Variants in PCDHA8 observed in about 807,000 individuals in gnomAD.
PCDHA8 encodes protocadherin alpha 8.
In PCDHA8, 53 loss-of-function variants were observed where a neutral mutation model predicts 61.8. The observed-to-expected ratio is 0.86, with a 90% confidence interval of 0.69 to 1.08. The LOEUF is 1.08. Ranked by LOEUF, PCDHA8 falls within the 50% of genes least tolerant of loss-of-function variation. The pLI, the probability that PCDHA8 is intolerant of heterozygous loss-of-function variation, is 0.00. For synonymous variants in PCDHA8, 618 were observed against 556.6 expected (o/e 1.11, Z -1.55); for missense variants, 1,293 against 1,245.0 (o/e 1.04, Z -0.58).
At chr5:141,006,423 C>T (rs1554260738) in intron 3 of PCDHA8, among the ~76,000 whole-genome samples, 1 of 152,060 alleles carries the variant, frequency 6.6e-6, no homozygotes, top group African/African-American at 2.4e-5. Context: ...CTGTGTTAGC[C>T]AGGATGGTCT....
chr5:140,872,347 C>T (rs556222685), intron 1 of PCDHA8, among the ~76,000 whole-genome samples: 44 of 152,200 alleles, frequency 2.9e-4, no homozygotes, highest in African/African-American at 1.0e-3. Context: ...CATGTTCTTG[C>T]CAGGCAAAGT....
chr5:140,860,946 C>A (rs1196605227), intron 1 of PCDHA8: 8 of 152,212 alleles, frequency 5.3e-5, no homozygotes, highest in African/African-American at 1.9e-4. Context: ...ACCGTGTTAG[C>A]CAGGATGGTC....
chr5:140,968,203 G>A, intron 1 of PCDHA8: 5 of 1,614,018 alleles, frequency 3.1e-6, no homozygotes, highest in Non-Finnish European at 4.2e-6. Context: ...TCTACATACA[G>A]GAGAACAATT....
At chr5:140,991,535 A>G (rs1323346658) in intron 3 of PCDHA8, among the ~76,000 whole-genome samples, 4 of 152,244 alleles carry the variant, frequency 2.6e-5, no homozygotes, top group South Asian at 4.1e-4. Context: ...TTGCCACTAT[A>G]TAACAAGGAT....
At chr5:140,876,999 G>T (rs368334312) in intron 1 of PCDHA8, 2 of 1,612,546 alleles carry the variant, frequency 1.2e-6, no homozygotes, top group Non-Finnish European at 1.7e-6. Flanking sequence ...GCTACGTGTC[G>T]GTGCACGCGG....
intron 1 of PCDHA8, among the ~76,000 whole-genome samples, chr5:140,978,377 G>GT (rs1554239246): frequency 6.6e-6 from 1 of 152,212 alleles, no homozygotes; most frequent in Non-Finnish European, 1.5e-5. Context: ...GCAATAGTTT[G>GT]TTTTCCTCTC....
chr5:140,953,270 T>A (rs1362290837), intron 1 of PCDHA8, among the ~76,000 whole-genome samples: 6 of 152,152 alleles, frequency 3.9e-5, no homozygotes, highest in Non-Finnish European at 5.9e-5. Flanking sequence ...GCTTTAGCCT[T>A]TGCTCTTTAT....
chr5:140,842,865 G>T lies in PCDHA8; in HGVS notation c.1544G>T (p.Gly515Val), dbSNP rs146195620. ...TACATTTCGGTGCACACGGAGAGCG[G>T]CAAGGTGTACGCGCTGCAGCCGCTG... is the stretch of plus-strand genomic sequence containing the variant. ...SSYISVHTESGKVYALQPLDH... is the reference protein window; with the variant it reads ...SSYISVHTESVKVYALQPLDH... The change falls in exon 1 of 4, where the codon GGC becomes GTC. Residue 515 changes from glycine (G) to valine (V), a missense_variant. Gly to Val is a moderately radical substitution (Grantham distance 109). Transcript: ENST00000531613. 16,276 of 1,593,984 alleles carry T rather than the reference G, an allele frequency of 0.01. 1,624 individuals carry two copies. The highest frequency in any genetic ancestry group is 0.012 in the Non-Finnish European group (14,389 of 1,165,392).
In PCDHA8 at chr5:140,883,707, A is replaced by G. The variant is rs565073045; in HGVS notation, c.2394+39992A>G. 6 of 1,613,636 alleles carry G rather than the reference A, an allele frequency of 3.7e-6. No individual in the cohort carries two copies. Among genetic ancestry groups the G allele is most frequent in the East Asian group, 4.5e-5 (2 of 44,860 alleles). On this transcript the variant is annotated intron_variant, in intron 1 of 3. Transcript: ENST00000531613. ...TGCCACATCTTCACGGTGTCTGCTC[A>G]GGACGCGGACGCACAGGAGAACGCG...
chr5:140,900,380 C>T (rs554914375), intron 1 of PCDHA8, among the ~76,000 whole-genome samples: 2 of 152,208 alleles, frequency 1.3e-5, no homozygotes, highest in Admixed American at 6.5e-5. Flanking sequence ...TGGGTTCAAG[C>T]GATTCTCCTG....
intron 1 of PCDHA8, chr5:140,849,943 ACG>A (rs2041244627): frequency 1.3e-6 from 2 of 1,597,782 alleles, no homozygotes; most frequent in Admixed American, 1.7e-5. Context: ...CGGGACGCTG[ACG>A]CGCAGGAGAA....
At chr5:140,855,877 C>CT in intron 1 of PCDHA8, 1 of 897,114 alleles carries the variant, frequency 1.1e-6, no homozygotes, top group African/African-American at 1.7e-5. Flanking sequence ...CACAAAATAG[C>CT]TTTTTAGAAC....
At chr5:140,895,666 T>A (rs538311323) in intron 1 of PCDHA8, among the ~76,000 whole-genome samples, 24 of 152,288 alleles carry the variant, frequency 1.6e-4, no homozygotes, top group African/African-American at 5.8e-4. Context: ...AGTGAGAACA[T>A]GTAGTATTTG....
chr5:140,871,132 G>A, intron 1 of PCDHA8: 1 of 1,613,372 alleles, frequency 6.2e-7, no homozygotes, highest in South Asian at 1.1e-5. Flanking sequence ...GGCGCCAAAG[G>A]CCTCTTCCCG....
chr5:140,869,757 A>G, intron 1 of PCDHA8: 3 of 1,613,264 alleles, frequency 1.9e-6, no homozygotes, highest in Non-Finnish European at 2.5e-6. Flanking sequence ...CAGACGGGGG[A>G]AAACCAGAGC....
intron 1 of PCDHA8, among the ~76,000 whole-genome samples, chr5:140,881,841 C>T (rs1386401088): frequency 6.6e-6 from 1 of 152,182 alleles, no homozygotes; most frequent in East Asian, 1.9e-4. Context: ...GCATGGAATT[C>T]TTACACATGG....
At chr5:140,966,454 C>T (rs897696652) in intron 1 of PCDHA8, 6 of 426,406 alleles carry the variant, frequency 1.4e-5, no homozygotes, top group Admixed American at 4.4e-5. Flanking sequence ...TCCCCCTCCC[C>T]CTCTGTCTTC....
intron 3 of PCDHA8, among the ~76,000 whole-genome samples, chr5:141,008,228 T>C (rs2098365726): frequency 1.3e-5 from 2 of 152,210 alleles, no homozygotes; most frequent in African/African-American, 4.8e-5. Context: ...GTTAGAAAAT[T>C]ACTGCTCAGG....
chr5:140,856,991 T>A, intron 1 of PCDHA8: 1 of 1,595,770 alleles, frequency 6.3e-7, no homozygotes, highest in Non-Finnish European at 8.6e-7. Flanking sequence ...CAGTAACACT[T>A]ATGAAATTCA....
Sources: gnomAD v4.1 joint callset for allele counts (sites outside exome capture counted in the v4.1 genomes callset) on GRCh38, gnomAD v4.1.1 for gene constraint, MANE v1.5 for transcripts, NCBI Gene and HGNC (gene_info 2026-07-23, HGNC 2026-07-21) for gene names.